Variants in RBFOX2 observed in about 807,000 individuals in gnomAD.
RBFOX2 encodes the protein RNA binding protein fox-1 homolog 2.
In RBFOX2, 10 loss-of-function variants were observed where a neutral mutation model predicts 49.1. The ratio of observed to expected loss-of-function variants is 0.20; its 90% CI spans 0.13 to 0.35. RBFOX2 has a LOEUF of 0.35. Ranked by LOEUF, RBFOX2 falls within the 10% of genes least tolerant of loss-of-function variation. The pLI, the probability that RBFOX2 is intolerant of heterozygous loss-of-function variation, is 1.00. For missense variants in RBFOX2, 323 were observed against 486.9 expected (o/e 0.66, Z 3.17); for synonymous variants, 183 against 187.4 (o/e 0.98, Z 0.19).
chr22:35,927,778 T>C (rs1381628900), intron 1 of RBFOX2, among the ~76,000 whole-genome samples: 1 of 152,154 alleles, frequency 6.6e-6, no homozygotes. Context: ...ATACGCATGC[T>C]GCCAAGACCC....
intron 9 of RBFOX2, 165 bp from the exon 12 acceptor site, chr22:35,746,726 T>C: frequency 7.3e-6 from 3 of 411,022 alleles, no homozygotes; most frequent in Non-Finnish European, 1.3e-5. Flanking sequence ...TCAGTCTGCA[T>C]GTTATTATTC....
intron 1 of RBFOX2, among the ~76,000 whole-genome samples, chr22:35,819,616 T>C (rs1352610640): frequency 6.6e-6 from 1 of 152,242 alleles, no homozygotes; most frequent in Non-Finnish European, 1.5e-5. Context: ...ACTTCATCTA[T>C]TCAGCTTCAA....
At chr22:35,757,637 C>G (rs1057473367) in intron 9 of RBFOX2, among the ~76,000 whole-genome samples, 5 of 152,164 alleles carry the variant, frequency 3.3e-5, no homozygotes, top group Admixed American at 3.3e-4. Context: ...AGCATGGTCA[C>G]ATTTTGGAAT....
At chr22:35,763,318 T>C (rs1031011039) in intron 6 of RBFOX2, among the ~76,000 whole-genome samples, 3 of 152,224 alleles carry the variant, frequency 2.0e-5, no homozygotes, top group Non-Finnish European at 4.4e-5. Flanking sequence ...TCCCAGCACT[T>C]TGGGAGGCTG....
At chr22:36,020,670 G>A (rs904330568) in intron 1 of RBFOX2, among the ~76,000 whole-genome samples, 30 of 152,186 alleles carry the variant, frequency 2.0e-4, no homozygotes, top group Non-Finnish European at 4.4e-5. Context: ...GGTCATCAGA[G>A]AAATGCAAAT....
rs555608321 is a variant in RBFOX2, at chr22:35,759,527, C to T, written c.887+361G>A. 2.8e-4 allele frequency among the ~76,000 whole-genome samples: 43 copies of T among 152,284 alleles called. No individual in the cohort carries two copies. The highest frequency in any genetic ancestry group is 7.7e-4 in the African/African-American group (32 of 41,550). On this transcript the variant is annotated intron_variant, in intron 9 of 11. Transcript: ENST00000405409. This position sits in a 1 kb window ranked among gnomAD's most constrained non-coding sequence, Gnocchi z 4.6. ...ACACAGCAGATGCAGGCTTGTACTACAATCTTGAGCTCCTCTTTTGGTTCT... is the reference window on the plus strand; with the variant it reads ...ACACAGCAGATGCAGGCTTGTACTATAATCTTGAGCTCCTCTTTTGGTTCT...
chr22:35,980,930 GTT>G (rs906835071), intron 1 of RBFOX2, among the ~76,000 whole-genome samples: 3 of 152,088 alleles, frequency 2.0e-5, no homozygotes, highest in African/African-American at 7.2e-5. Flanking sequence ...TATGTTATGT[GTT>G]TTACTTTATG....
intron 1 of RBFOX2, among the ~76,000 whole-genome samples, chr22:35,854,860 T>C (rs1421608379): frequency 2.0e-5 from 3 of 152,048 alleles, no homozygotes; most frequent in Non-Finnish European, 2.9e-5. Flanking sequence ...TTTGAAATAA[T>C]ACTGATGGAA....
intron 1 of RBFOX2, among the ~76,000 whole-genome samples, chr22:35,858,547 C>T (rs1253976885): frequency 4.6e-5 from 7 of 152,082 alleles, no homozygotes; most frequent in Non-Finnish European, 8.8e-5. Flanking sequence ...AGCTAAAGGC[C>T]AGGCACGGTG....
At chr22:35,751,065 G>A (rs1934739037) in intron 9 of RBFOX2, among the ~76,000 whole-genome samples, 1 of 152,052 alleles carries the variant, frequency 6.6e-6, no homozygotes, top group Admixed American at 6.6e-5. Context: ...TGATCTTTCG[G>A]CACAGTTCTG....
At chr22:35,994,687 T>C (rs990887333) in intron 1 of RBFOX2, 3 of 152,142 alleles carry the variant, frequency 2.0e-5, no homozygotes, top group Non-Finnish European at 4.4e-5. Flanking sequence ...ATTACAAGCG[T>C]GAGGTACCAT....
At chr22:35,769,047 C>A (rs1429679559) in intron 4 of RBFOX2, among the ~76,000 whole-genome samples, 1 of 152,064 alleles carries the variant, frequency 6.6e-6, no homozygotes, top group African/African-American at 2.4e-5. Flanking sequence ...TTCTTCAATG[C>A]CCTTTTTAAA....
At chr22:35,890,007 C>T (rs1333172250) in intron 1 of RBFOX2, among the ~76,000 whole-genome samples, 1 of 152,026 alleles carries the variant, frequency 6.6e-6, no homozygotes, top group African/African-American at 2.4e-5. Context: ...AACCAAGACC[C>T]GAAACTGTAT....
At chr22:35,894,365 T>C (rs1345658231) in intron 1 of RBFOX2, among the ~76,000 whole-genome samples, 1 of 152,214 alleles carries the variant, frequency 6.6e-6, no homozygotes, top group Non-Finnish European at 1.5e-5. Flanking sequence ...AATTATTAGA[T>C]AAAAGCTTAT....
chr22:35,922,446 G>T (rs574329866), intron 1 of RBFOX2, among the ~76,000 whole-genome samples: 472 of 152,156 alleles, frequency 3.1e-3, no homozygotes, highest in Non-Finnish European at 5.6e-3. Flanking sequence ...GGGCATGGTG[G>T]CTAATTTTCC....
At chr22:35,817,949 AACACACACACACACAC>A (rs71322983) in intron 1 of RBFOX2, among the ~76,000 whole-genome samples, 3 of 143,462 alleles carry the variant, frequency 2.1e-5, no homozygotes, top group African/African-American at 5.1e-5. Context: ...ATCACTTGTC[AACACACACACACACAC>A]ACACACACAC....
intron 1 of RBFOX2, among the ~76,000 whole-genome samples, chr22:35,955,917 G>A (rs1228027241): frequency 6.6e-6 from 1 of 152,186 alleles, no homozygotes; most frequent in Non-Finnish European, 1.5e-5. Flanking sequence ...ATCTGGAAGA[G>A]GCAAGGTATT....
chr22:35,921,939 C>G (rs1380929514), intron 1 of RBFOX2, among the ~76,000 whole-genome samples: 2 of 152,140 alleles, frequency 1.3e-5, no homozygotes. Flanking sequence ...CCTTCCCTCC[C>G]TTTTCTCCTC....
intron 1 of RBFOX2, among the ~76,000 whole-genome samples, chr22:35,976,672 G>A (rs1477475372): frequency 2.0e-5 from 3 of 152,050 alleles, no homozygotes; most frequent in Non-Finnish European, 4.4e-5. Context: ...GTAAGAAAAC[G>A]AACCACCCGG....
Sources: gnomAD v4.1 joint callset for allele counts (sites outside exome capture counted in the v4.1 genomes callset) on GRCh38, gnomAD v4.1.1 for gene constraint, Gnocchi (gnomAD v3.1) non-coding constraint, MANE v1.5 for transcripts, NCBI Gene and HGNC (gene_info 2026-07-23, HGNC 2026-07-21) for gene names.